COG2: variants seen among roughly 807,000 people sequenced by gnomAD.
COG2 encodes component of oligomeric golgi complex 2.
COG2 carries 52 observed loss-of-function variants against 90.6 expected under a neutral mutation model. That is an observed-to-expected ratio of 0.57 (90% CI 0.46 to 0.72). The LOEUF (loss-of-function observed/expected upper bound fraction) is 0.72. Among genes scored for constraint, COG2 ranks in the 30% least tolerant of loss-of-function variants. The probability of loss-of-function intolerance (pLI) is 0.00; values close to 1 mark genes in which losing one functional copy is unlikely to be tolerated. For missense variants in COG2, 829 were observed against 891.2 expected (o/e 0.93, Z 0.89); for synonymous variants, 337 against 320.4 (o/e 1.05, Z -0.55).
Position 230,642,687 on chromosome 1 carries a change from G to C in COG2, c.72+9G>C. The C allele has an allele frequency of 6.2e-7, 1 of 1,611,096 alleles. No homozygotes were observed. The highest frequency in any genetic ancestry group is 8.5e-7 in the Non-Finnish European group (1 of 1,178,860). On this transcript the variant is annotated intron_variant, in intron 1 of 17. Coordinates refer to ENST00000366669, the MANE Select transcript of COG2 (RefSeq NM_007357.3). ...AGGACGAGTTCATGAAGGTGCGCGCGGCGTCCGCTCCCCGGAGCCGGGCCA... is the reference window on the plus strand; with the variant it reads ...AGGACGAGTTCATGAAGGTGCGCGCCGCGTCCGCTCCCCGGAGCCGGGCCA...
intron 3 of COG2, among the ~76,000 whole-genome samples, chr1:230,662,096 G>A (rs918293329): frequency 5.9e-5 from 9 of 152,032 alleles, no homozygotes; most frequent in East Asian, 5.8e-4. Context: ...TCACTCTCCC[G>A]AATTCTGCTC....
rs1290667686 is a variant in COG2, at chr1:230,659,584, A to G, written c.193A>G (p.Asn65Asp). The G allele has an allele frequency of 1.9e-6, 3 of 1,614,096 alleles. No individual in the cohort carries two copies. In the Admixed American group the frequency reaches 5.0e-5, roughly 27 times the overall value. Residue 65 changes from asparagine (N) to aspartate (D), a missense_variant, in exon 2 of 18, where the codon AAC becomes GAC. Transcript: ENST00000366669. The part of the protein sequence containing the change: ...LLKTAMVELI[N>D]KDYADFVNLS... ...TAAAACAGCCATGGTCGAACTCATC[A>G]ACAAGGATTATGCAGATTTTGTCAA...
intron 1 of COG2, among the ~76,000 whole-genome samples, chr1:230,645,253 A>G (rs72759015): frequency 0.42 from 61,103 of 145,586 alleles, 13,463 homozygotes; most frequent in East Asian, 0.64. Flanking sequence ...AAAAAAAAAA[A>G]AAAGAAAATG....
intron 1 of COG2, among the ~76,000 whole-genome samples, chr1:230,645,573 C>T (rs1022016278): frequency 2.6e-5 from 4 of 152,102 alleles, no homozygotes; most frequent in African/African-American, 9.7e-5. Flanking sequence ...TTTTGGAAGA[C>T]AATTTTTCCA....
intron 11 of COG2, among the ~76,000 whole-genome samples, chr1:230,684,034 A>ACC (rs748011315): frequency 2.0e-5 from 3 of 150,724 alleles, no homozygotes; most frequent in African/African-American, 7.3e-5. Flanking sequence ...CAAGTGATTC[A>ACC]CCCCCCCTTG....
Position 230,659,695 on chromosome 1 carries a change from G to A in COG2, c.234+70G>A. 6 of 1,487,414 alleles carry A rather than the reference G, an allele frequency of 4.0e-6. No homozygotes were observed. In the South Asian group the frequency reaches 6.4e-5, roughly 16 times the overall value. 92.1% of individuals were successfully genotyped at this position (1,487,414 alleles called of 1,614,324 possible). A position where few individuals can be genotyped will look rare whatever the true frequency, so the allele number is the denominator to read the frequency against. ...TTCTCACTCATACTTATTCTTAGAA[G>A]TGTTGTGTGTTTTTAGAAACCTTTT... On this transcript the variant is annotated intron_variant, in intron 2 of 17. Transcript: ENST00000366669.
intron 17 of COG2, 150 bp downstream of exon 17, chr1:230,691,714 A>G (rs1279331337): frequency 1.5e-5 from 10 of 689,066 alleles, no homozygotes; most frequent in Non-Finnish European, 1.7e-5. Context: ...GGGGCTCCCA[A>G]ATTACTTTGC....
intron 1 of COG2, among the ~76,000 whole-genome samples, chr1:230,659,205 T>C (rs1662127733): frequency 6.6e-6 from 1 of 152,192 alleles, no homozygotes; most frequent in South Asian, 2.1e-4. Flanking sequence ...AATTGTGTTG[T>C]TTTGAAAAAG....
At chr1:230,681,466 C>T (rs1662747239) in intron 10 of COG2, 1 of 152,116 alleles carries the variant, frequency 6.6e-6, no homozygotes, top group South Asian at 2.1e-4. Flanking sequence ...GACGGGTGCA[C>T]TTAATGATGT....
intron 15 of COG2, 63 bp downstream of exon 15, chr1:230,688,625 G>A: frequency 6.5e-7 from 1 of 1,528,624 alleles, no homozygotes; most frequent in Admixed American, 1.7e-5. Context: ...AAGCCAAAGA[G>A]GAAGGAAGGA....
chr1:230,658,504 G>T (rs1478667062), intron 1 of COG2, among the ~76,000 whole-genome samples: 4 of 152,304 alleles, frequency 2.6e-5, no homozygotes, highest in South Asian at 4.1e-4. Flanking sequence ...ACTGGGAGGT[G>T]TCTCCCAGTC....
Position 230,680,855 on chromosome 1 carries a change from A to G in COG2, c.1166+1803A>G, listed in dbSNP as rs570769667. 2.3e-4 allele frequency: 35 copies of G among 152,340 alleles called. 1 individual carries two copies. In the East Asian group the frequency reaches 6.6e-3, roughly 29 times the overall value. The allele number at this position is 152,340 out of a possible 1,614,324, so 9.4% of individuals were successfully genotyped here. On this transcript the variant is annotated intron_variant, in intron 10 of 17. Coordinates refer to ENST00000366669, the MANE Select transcript of COG2 (RefSeq NM_007357.3). ...AAGGATGACAAAAAGTTCCGCAAAC[A>G]TGATTAGGGTCAGAGTTGCATTGTC...
intron 5 of COG2, among the ~76,000 whole-genome samples, chr1:230,666,057 C>G (rs1185687065): frequency 1.3e-5 from 2 of 152,158 alleles, no homozygotes; most frequent in Non-Finnish European, 2.9e-5. Context: ...GGATGCTGAT[C>G]TCTTTATCTG....
chr1:230,665,721 G>A (rs1293967157), intron 5 of COG2, among the ~76,000 whole-genome samples: 5 of 151,990 alleles, frequency 3.3e-5, no homozygotes, highest in East Asian at 1.9e-4. Flanking sequence ...GCTTCTGTCC[G>A]TTCTGTTCCC....
chr1:230,666,006 C>T (rs965714649), intron 5 of COG2, among the ~76,000 whole-genome samples: 4 of 152,158 alleles, frequency 2.6e-5, no homozygotes, highest in Admixed American at 2.6e-4. Flanking sequence ...TCAGCACTTT[C>T]TGGGTAACCT....
intron 1 of COG2, among the ~76,000 whole-genome samples, chr1:230,645,984 C>T (rs116791031): frequency 0.027 from 4,167 of 152,194 alleles, 81 homozygotes; most frequent in South Asian, 0.058. Context: ...TAGTTGGGGA[C>T]GCTGGTGTAG....
chr1:230,643,585 T>TGTTTTC (rs1661682411), intron 1 of COG2, among the ~76,000 whole-genome samples: 1 of 84,666 alleles, frequency 1.2e-5, no homozygotes, highest in South Asian at 5.8e-4. Context: ...CTTGGTGACA[T>TGTTTTC]AATGTTTTCT....
intron 10 of COG2, chr1:230,681,504 T>C (rs1383859732): frequency 6.6e-6 from 1 of 152,190 alleles, no homozygotes; most frequent in African/African-American, 2.4e-5. Context: ...AAAAAAACAA[T>C]AGGCATCACT....
chr1:230,685,948 A>G (rs1191010859), intron 12 of COG2, among the ~76,000 whole-genome samples: 1 of 152,226 alleles, frequency 6.6e-6, no homozygotes, highest in East Asian at 1.9e-4. Flanking sequence ...AATAAAAAAG[A>G]CAACAGGGAG....
Sources: allele counts gnomAD v4.1 joint callset (sites outside exome capture counted in the v4.1 genomes callset), GRCh38; gene constraint gnomAD v4.1.1; transcripts MANE v1.5; gene names NCBI Gene and HGNC (gene_info 2026-07-23, HGNC 2026-07-21).